Variants in TPD52 observed in about 807,000 individuals in gnomAD.
TPD52 encodes tumor protein D52, also known as prostate and colon associated protein.
A neutral mutation model predicts 31.3 loss-of-function variants in TPD52; 17 were observed. The ratio of observed to expected loss-of-function variants is 0.54; its 90% CI spans 0.37 to 0.82. The LOEUF is 0.82. Ranked by LOEUF, TPD52 falls within the 40% of genes least tolerant of loss-of-function variation. The pLI is 0.00. For missense variants in TPD52, 212 were observed against 240.1 expected, an observed-to-expected ratio of 0.88 and a Z score of 0.77; for synonymous variants, 83 against 89.6, an observed-to-expected ratio of 0.93 and a Z score of 0.42.
chr8:80,117,795 C>T (rs1201256218), intron 1 of TPD52, among the ~76,000 whole-genome samples: 2 of 141,266 alleles, frequency 1.4e-5, no homozygotes, highest in South Asian at 4.4e-4. Flanking sequence ...TGTAGTGGTG[C>T]AATCTTGGCT....
intron 1 of TPD52, among the ~76,000 whole-genome samples, chr8:80,161,730 ATATTT>A (rs1489241236): frequency 0.026 from 1,447 of 56,172 alleles, 11 homozygotes; most frequent in South Asian, 0.082. Flanking sequence ...ATATATATAT[ATATTT>A]TTTTTTTTTT....
chr8:80,163,220 AC>A (rs1468061388), intron 1 of TPD52, among the ~76,000 whole-genome samples: 4 of 152,368 alleles, frequency 2.6e-5, no homozygotes, highest in African/African-American at 4.8e-5. Context: ...TGTGGAAGCA[AC>A]CTTAATTTCC....
chr8:80,110,827 T>A (rs1382266611), intron 1 of TPD52, among the ~76,000 whole-genome samples: 1 of 152,194 alleles, frequency 6.6e-6, no homozygotes, highest in Non-Finnish European at 1.5e-5. Context: ...GCAAATACTT[T>A]ATAAAAGCTT....
chr8:80,142,533 ACCAG>A (rs1305885322), intron 1 of TPD52, among the ~76,000 whole-genome samples: 3 of 152,162 alleles, frequency 2.0e-5, no homozygotes, highest in African/African-American at 7.2e-5. Flanking sequence ...AGAGTTCGAG[ACCAG>A]CCTGAAGTAC....
intron 1 of TPD52, among the ~76,000 whole-genome samples, chr8:80,124,144 A>C (rs1464797382): frequency 2.7e-5 from 4 of 149,652 alleles, no homozygotes; most frequent in Admixed American, 2.0e-4. Flanking sequence ...AGAAGGGGTT[A>C]TCAGCATGTT....
At chr8:80,086,467 G>A (rs1010515427) in intron 1 of TPD52, among the ~76,000 whole-genome samples, 6 of 151,922 alleles carry the variant, frequency 3.9e-5, no homozygotes, top group African/African-American at 1.5e-4. Context: ...CAAAAACATC[G>A]ATGTCATAAA....
intron 1 of TPD52, among the ~76,000 whole-genome samples, chr8:80,129,556 T>C (rs1038625757): frequency 1.3e-5 from 2 of 152,194 alleles, no homozygotes; most frequent in South Asian, 2.1e-4. Context: ...TGCTCTTGTA[T>C]TCTACCTGCA....
intron 1 of TPD52, among the ~76,000 whole-genome samples, chr8:80,065,275 C>A (rs956906735): frequency 8.3e-6 from 1 of 121,112 alleles, no homozygotes; most frequent in African/African-American, 2.9e-5. Context: ...CTATATATAT[C>A]TATATCTATA....
intron 1 of TPD52, among the ~76,000 whole-genome samples, chr8:80,094,525 C>G (rs1816584443): frequency 7.9e-6 from 1 of 125,976 alleles, no homozygotes; most frequent in Admixed American, 9.1e-5. Context: ...AAGATTGTTG[C>G]CAATAGCCAC....
chr8:80,157,628 C>T lies in TPD52; in HGVS notation c.19+13797G>A, dbSNP rs1488754921. Among the ~76,000 whole-genome samples the T allele has an allele frequency of 2.6e-5, 4 of 152,194 alleles. 1 individual carries two copies. Among genetic ancestry groups the T allele is most frequent in the South Asian group, 4.1e-4 (2 of 4,834 alleles). On this transcript the variant is annotated intron_variant, in intron 1 of 7. Transcript: ENST00000518937. ...TCAGTCCCATAGCCAAGGCACTCCA[C>T]GATGAAAACAAGCTTCAGGTTGGCC...
At chr8:80,080,014 C>CT (rs1219481787) in intron 1 of TPD52, among the ~76,000 whole-genome samples, 3 of 152,150 alleles carry the variant, frequency 2.0e-5, no homozygotes, top group Non-Finnish European at 4.4e-5. Context: ...CAGATTCCTC[C>CT]TTTTTTGTTA....
At chr8:80,066,887 A>G (rs1246969816) in intron 1 of TPD52, 1 of 152,232 alleles carries the variant, frequency 6.6e-6, no homozygotes, top group Non-Finnish European at 1.5e-5. Flanking sequence ...GAACCATAAC[A>G]GAGCTACCTG....
At chr8:80,119,541 A>G (rs562211773) in intron 1 of TPD52, among the ~76,000 whole-genome samples, 3 of 152,190 alleles carry the variant, frequency 2.0e-5, no homozygotes, top group Non-Finnish European at 4.4e-5. Flanking sequence ...TGGGGGAAAA[A>G]AAGTCAAGAA....
intron 5 of TPD52, among the ~76,000 whole-genome samples, chr8:80,049,081 A>T (rs982804577): frequency 1.3e-5 from 2 of 152,190 alleles, no homozygotes; most frequent in Non-Finnish European, 2.9e-5. Context: ...AAGTCTAGTG[A>T]TATGTACTGA....
chr8:80,080,361 A>G (rs1815122297), intron 1 of TPD52: 11 of 1,614,086 alleles, frequency 6.8e-6, no homozygotes, highest in African/African-American at 1.3e-5. Flanking sequence ...AATTTCCACT[A>G]GGAGACAAGT....
At chr8:80,155,176 G>T (rs539860309) in intron 1 of TPD52, among the ~76,000 whole-genome samples, 1 of 151,974 alleles carries the variant, frequency 6.6e-6, no homozygotes, top group East Asian at 1.9e-4. Context: ...TGTTACTATT[G>T]TAATTGCTTT....
At chr8:80,113,623 T>C (rs570276223) in intron 1 of TPD52, among the ~76,000 whole-genome samples, 1 of 152,280 alleles carries the variant, frequency 6.6e-6, no homozygotes, top group South Asian at 2.1e-4. Context: ...ATCCTGTCAT[T>C]CACAGCAATA....
At chr8:80,050,421 A>C in intron 5 of TPD52, 24 bp downstream of exon 5, 3 of 1,603,164 alleles carry the variant, frequency 1.9e-6, no homozygotes, top group Non-Finnish European at 2.6e-6. Flanking sequence ...GCTGGACTGC[A>C]GTGATGGTTC....
intron 1 of TPD52, among the ~76,000 whole-genome samples, chr8:80,074,982 A>AT (rs1392394594): frequency 2.7e-4 from 41 of 151,380 alleles, no homozygotes; most frequent in Middle Eastern, 3.4e-3. Flanking sequence ...GTTATTTTTT[A>AT]TTTTTTTTTA....
Sources: gnomAD v4.1 joint callset for allele counts (sites outside exome capture counted in the v4.1 genomes callset) on GRCh38, gnomAD v4.1.1 for gene constraint, MANE v1.5 for transcripts, NCBI Gene and HGNC (gene_info 2026-07-23, HGNC 2026-07-21) for gene names.